The following MCM9 variants were observed in gnomAD, a reference collection of about 807,000 sequenced individuals.
The protein encoded by MCM9 is minichromosome maintenance 9 homologous recombination repair factor.
MCM9 carries 55 observed loss-of-function variants against 72.8 expected under a neutral mutation model. The ratio of observed to expected loss-of-function variants is 0.76; its 90% confidence interval spans 0.61 to 0.95. The LOEUF is 0.95. MCM9 is among the 40% of genes least tolerant of loss of function. MCM9 has a pLI of 0.00. For synonymous variants in MCM9, 480 were observed against 503.4 expected (o/e 0.95, Z 0.62); for missense variants, 1,279 against 1,377.0 (o/e 0.93, Z 1.13).
chr6:118,910,803 T>C (rs2295709), intron 8 of MCM9: 227,231 of 984,922 alleles, frequency 0.23, 28,066 homozygotes, highest in African/African-American at 0.44. Context: ...ACCTGAGACC[T>C]CCTTAACAGT....
chr6:118,893,481 C>G (rs1160354353), intron 8 of MCM9, among the ~76,000 whole-genome samples: 1 of 152,034 alleles, frequency 6.6e-6, no homozygotes, highest in Non-Finnish European at 1.5e-5. Flanking sequence ...ATCTGGACTC[C>G]GAAGAAGACG....
intron 9 of MCM9, among the ~76,000 whole-genome samples, chr6:118,855,278 T>C (rs998661366): frequency 6.6e-6 from 1 of 152,222 alleles, no homozygotes; most frequent in Non-Finnish European, 1.5e-5. Flanking sequence ...AAAGTATATT[T>C]TCTTATAACA....
At chr6:118,925,285 C>T (rs560487325) in intron 3 of MCM9, among the ~76,000 whole-genome samples, 3 of 152,206 alleles carry the variant, frequency 2.0e-5, no homozygotes, top group Non-Finnish European at 4.4e-5. Flanking sequence ...CAGTATTTAG[C>T]GGTTCAAAAA....
At chr6:118,844,573 A>T (rs1293034909) in intron 9 of MCM9, among the ~76,000 whole-genome samples, 1 of 151,916 alleles carries the variant, frequency 6.6e-6, no homozygotes, top group Non-Finnish European at 1.5e-5. Context: ...AGGACAACTT[A>T]AATGGAAGAA....
chr6:118,836,761 A>C (rs548057671), intron 9 of MCM9, among the ~76,000 whole-genome samples: 68 of 152,048 alleles, frequency 4.5e-4, no homozygotes, highest in African/African-American at 1.6e-3. Flanking sequence ...TCTGGCTAGC[A>C]GTCTATTTTA....
Position 118,849,828 on chromosome 6 carries a change from G to T in MCM9, c.1325+6543C>A, listed in dbSNP as rs942403037. Among the ~76,000 whole-genome samples the T allele has an allele frequency of 4.0e-5, 6 of 151,878 alleles. No individual in the cohort carries two copies. The East Asian group carries it at 7.7e-4, about 20-fold the overall frequency. Reference sequence around the variant, plus strand: ...GCTATCTTTTGGATAAGAAAGAGGGGAGATGCATAAACAGGCACACATACC... The same window carrying T: ...GCTATCTTTTGGATAAGAAAGAGGGTAGATGCATAAACAGGCACACATACC... On this transcript the variant is annotated intron_variant, in intron 9 of 13. Coordinates refer to ENST00000619706, the MANE Select transcript of MCM9 (RefSeq NM_017696.3).
chr6:118,880,749 T>A (rs996076564), intron 8 of MCM9, among the ~76,000 whole-genome samples: 2 of 152,220 alleles, frequency 1.3e-5, no homozygotes, highest in Non-Finnish European at 2.9e-5. Context: ...GGGAAGTTAG[T>A]AGAAGGCAGC....
intron 13 of MCM9, among the ~76,000 whole-genome samples, chr6:118,817,198 G>A (rs1450551957): frequency 6.6e-6 from 1 of 151,946 alleles, no homozygotes; most frequent in African/African-American, 2.4e-5. Flanking sequence ...GTATACATGT[G>A]CCATGGTGGT....
chr6:118,830,869 G>T (rs1393107853), intron 9 of MCM9, among the ~76,000 whole-genome samples: 1 of 152,208 alleles, frequency 6.6e-6, no homozygotes, highest in East Asian at 1.9e-4. Flanking sequence ...CAACAGAACT[G>T]CTGGGGAAAG....
intron 8 of MCM9, among the ~76,000 whole-genome samples, chr6:118,881,103 T>C (rs939515858): frequency 2.3e-4 from 35 of 152,246 alleles, no homozygotes; most frequent in Admixed American, 2.6e-4. Context: ...TGAACTCATC[T>C]ATTTTCAGAC....
intron 8 of MCM9, 110 bp downstream of exon 8, chr6:118,911,540 C>A: frequency 1.4e-6 from 2 of 1,409,968 alleles, no homozygotes; most frequent in Non-Finnish European, 9.3e-7. Flanking sequence ...AGTGGTAACT[C>A]AAAAATTAGC....
intron 3 of MCM9, among the ~76,000 whole-genome samples, chr6:118,929,052 T>G (rs1427696345): frequency 6.6e-6 from 1 of 151,082 alleles, no homozygotes; most frequent in Non-Finnish European, 1.5e-5. Context: ...AAACTCTGTC[T>G]CTACCAAAAA....
At chr6:118,910,148 A>G (rs1562434215) in intron 8 of MCM9, among the ~76,000 whole-genome samples, 1 of 150,594 alleles carries the variant, frequency 6.6e-6, no homozygotes, top group Non-Finnish European at 1.5e-5. Context: ...CTCCATAACA[A>G]GTTTATATTT....
At chr6:118,917,869 T>A in intron 5 of MCM9, 108 bp from the exon 6 acceptor site, 1 of 917,982 alleles carries the variant, frequency 1.1e-6, no homozygotes, top group South Asian at 1.5e-5. Flanking sequence ...CTTACTAGAG[T>A]TTACAATATG....
rs572479356 is a variant in MCM9 at position 118,832,098 on chromosome 6, T to C, written c.1326-2848A>G. 8.5e-5 allele frequency among the ~76,000 whole-genome samples: 13 copies of C among 152,306 alleles called. No individual in the cohort carries two copies. In the South Asian group the frequency reaches 2.5e-3, roughly 29 times the overall value. On this transcript the variant is annotated intron_variant, in intron 9 of 13. Coordinates refer to ENST00000619706, the MANE Select transcript of MCM9 (RefSeq NM_017696.3). ...TTTTAAAAGACATGGTCTCACTCTG[T>C]TCCCCAGGCTGTAGTGCAGTGGAGC...
intron 13 of MCM9, among the ~76,000 whole-genome samples, chr6:118,822,187 AT>A (rs1773861236): frequency 6.6e-6 from 1 of 152,088 alleles, no homozygotes; most frequent in Admixed American, 6.6e-5. Flanking sequence ...AGTTGCAATC[AT>A]TTGAAGAGGC....
At chr6:118,823,034 T>C (rs1223576346) in intron 13 of MCM9, among the ~76,000 whole-genome samples, 1 of 152,140 alleles carries the variant, frequency 6.6e-6, no homozygotes, top group African/African-American at 2.4e-5. Flanking sequence ...CAGTGGTTCT[T>C]GGCTTGCTAG....
chr6:118,826,300 G>T lies in MCM9; in HGVS notation c.1816-8C>A. 1.3e-6 allele frequency: 2 copies of T among 1,547,364 alleles called. No individual in the cohort carries two copies. Among genetic ancestry groups the T allele is most frequent in the Non-Finnish European group, 8.7e-7 (1 of 1,145,654 alleles). ...TCCTAGCAGTGCACCTCCCTGAAGG[G>T]GTGAGAAAATACCAGGAGAGTCACC... On this transcript the variant is annotated splice_polypyrimidine_tract_variant and splice_region_variant and intron_variant, in intron 12 of 13. Coordinates refer to ENST00000619706, the MANE Select transcript of MCM9 (RefSeq NM_017696.3).
intron 9 of MCM9, among the ~76,000 whole-genome samples, chr6:118,834,322 C>T (rs148183649): frequency 0.027 from 3,979 of 149,126 alleles, 64 homozygotes; most frequent in Middle Eastern, 0.043. Flanking sequence ...AATAAACATA[C>T]GTGTGTATGT....
Sources: gnomAD v4.1 joint callset for allele counts (sites outside exome capture counted in the v4.1 genomes callset) on GRCh38, gnomAD v4.1.1 for gene constraint, MANE v1.5 for transcripts, NCBI Gene and HGNC (gene_info 2026-07-23, HGNC 2026-07-21) for gene names.